Variants in IQANK1 observed in about 807,000 individuals in gnomAD.
IQANK1 encodes IQ motif and ankyrin repeat domain-containing protein 1.
In IQANK1, 30 loss-of-function variants were observed where a neutral mutation model predicts 22.6. That is an observed-to-expected ratio of 1.33 (90% CI 0.99 to 1.80). IQANK1 has a LOEUF of 1.80. Among genes scored for constraint, IQANK1 ranks in the 40% most tolerant of loss-of-function variants. The probability of loss-of-function intolerance (pLI) is 0.00; values close to 1 mark genes in which losing one functional copy is unlikely to be tolerated. For synonymous variants in IQANK1, 122 were observed against 99.6 expected (o/e 1.23, Z -1.34); for missense variants, 275 against 235.2 (o/e 1.17, Z -1.11).
chr8:143,735,983 G>T lies in IQANK1; in HGVS notation c.85+45G>T. ...TCCAGAGCACTGTCACCCAGACACT[G>T]ACCTGTGAGACCTTCTATGTAGCCA... On this transcript the variant is annotated intron_variant, in intron 2 of 13. Transcript: ENST00000527139. The surrounding 1 kb of genome is among the most constrained non-coding windows in gnomAD (Gnocchi z 5.2). The T allele has an allele frequency of 2.9e-6, 2 of 701,746 alleles. No individual in the cohort carries two copies. The highest frequency in any genetic ancestry group is 3.0e-5 in the South Asian group (2 of 67,502). The allele number at this position is 701,746 out of a possible 1,614,324, so 43.5% of individuals were successfully genotyped here.
intron 3 of IQANK1, among the ~76,000 whole-genome samples, chr8:143,769,267 C>A (rs141567052): frequency 2.4e-3 from 364 of 152,066 alleles, no homozygotes; most frequent in African/African-American, 8.2e-3. Context: ...CCTACGTGGC[C>A]CAGGCTGGTC....
At chr8:143,736,091 A>C (rs1262958658) in intron 2 of IQANK1, among the ~76,000 whole-genome samples, 153 bp downstream of exon 2, 3 of 149,704 alleles carry the variant, frequency 2.0e-5, no homozygotes, top group Non-Finnish European at 4.4e-5. Flanking sequence ...GGTGTGATTG[A>C]CTGAGGGTTC....
rs548995558 is a variant in IQANK1 at position 143,790,563 on chromosome 8, G to C, written c.1638G>C (p.Gln546His). Residue 546 changes from glutamine (Q) to histidine (H), a missense_variant, in exon 14 of 14, where the codon CAG (glutamine) becomes CAC (histidine). Transcript: ENST00000527139. Reference protein sequence around the residue: ...KVQWPPAEQLQVLLPVRVQLP... With the variant: ...KVQWPPAEQLHVLLPVRVQLP... Reference sequence around the variant, plus strand: ...AGTGGCCGCCAGCTGAGCAGCTGCAGGTGCTGCTCCCAGTGCGCGTGCAGC... The same window carrying C: ...AGTGGCCGCCAGCTGAGCAGCTGCACGTGCTGCTCCCAGTGCGCGTGCAGC... 106 of 399,192 alleles carry C rather than the reference G, an allele frequency of 2.7e-4. No homozygotes were observed. The highest frequency in any genetic ancestry group is 1.3e-3 in the South Asian group (10 of 7,870). 24.7% of individuals were successfully genotyped at this position (399,192 alleles called of 1,614,324 possible).
chr8:143,744,891 C>T (rs1209585373), intron 3 of IQANK1: 1 of 152,262 alleles, frequency 6.6e-6, no homozygotes, highest in African/African-American at 2.4e-5. Flanking sequence ...TAGAGATGGA[C>T]TTGGGCCACA....
chr8:143,744,053 C>T (rs60392425), intron 3 of IQANK1: 3,545 of 274,010 alleles, frequency 0.013, 98 homozygotes, highest in African/African-American at 0.061. Flanking sequence ...AGGATGGTCT[C>T]GATCTCTTGA....
intron 7 of IQANK1, among the ~76,000 whole-genome samples, chr8:143,784,500 C>CA (rs1238933227): frequency 6.6e-6 from 1 of 152,190 alleles, no homozygotes; most frequent in African/African-American, 2.4e-5. Flanking sequence ...TACCCAGTCT[C>CA]AGGTAGTTCT....
chr8:143,787,177 GGGTC>G (rs10538558), intron 7 of IQANK1, among the ~76,000 whole-genome samples: 107,447 of 151,650 alleles, frequency 0.71, 39,883 homozygotes, highest in Non-Finnish European at 0.84. Flanking sequence ...AAAGCAAGCA[GGGTC>G]GGTCTAAATG....
chr8:143,767,873 A>T (rs2129897078), intron 3 of IQANK1, among the ~76,000 whole-genome samples: 3 of 121,164 alleles, frequency 2.5e-5, no homozygotes, highest in South Asian at 3.1e-4. Flanking sequence ...CGATGGAGCG[A>T]GACCTTTTTT....
chr8:143,783,463 CTTAT>C (rs1290934554), intron 7 of IQANK1, among the ~76,000 whole-genome samples: 1 of 152,068 alleles, frequency 6.6e-6, no homozygotes, highest in Non-Finnish European at 1.5e-5. Flanking sequence ...CTCTGTGGAC[CTTAT>C]TTATATATTC....
intron 3 of IQANK1, among the ~76,000 whole-genome samples, chr8:143,743,668 A>G (rs1232724290): frequency 3.9e-5 from 6 of 152,172 alleles, no homozygotes; most frequent in African/African-American, 1.2e-4. Flanking sequence ...GACATTTAAC[A>G]CCAGAACACG....
intron 3 of IQANK1, among the ~76,000 whole-genome samples, chr8:143,754,503 C>G (rs1819252794): frequency 6.6e-6 from 1 of 152,156 alleles, no homozygotes; most frequent in African/African-American, 2.4e-5. Context: ...CTGAGGGGCC[C>G]CCATGTAGCT....
intron 3 of IQANK1, among the ~76,000 whole-genome samples, chr8:143,740,676 G>A (rs1818885533): frequency 6.6e-6 from 1 of 152,196 alleles, no homozygotes; most frequent in African/African-American, 2.4e-5. Context: ...TGCTGGGCAT[G>A]GGCCATGCTG....
chr8:143,778,199 C>A (rs151263215), intron 7 of IQANK1, among the ~76,000 whole-genome samples: 146 of 146,370 alleles, frequency 1.0e-3, no homozygotes, highest in Non-Finnish European at 1.1e-3. Flanking sequence ...CGTCTCAAAA[C>A]AAAAAAAAAA....
chr8:143,787,955 C>T (rs769959879), intron 7 of IQANK1, among the ~76,000 whole-genome samples: 3 of 152,216 alleles, frequency 2.0e-5, no homozygotes, highest in Non-Finnish European at 2.9e-5. Context: ...CCTTCAGCCA[C>T]CTGCTCTTCT....
intron 3 of IQANK1, among the ~76,000 whole-genome samples, chr8:143,753,107 A>G (rs1367334234): frequency 3.4e-5 from 5 of 145,826 alleles, no homozygotes; most frequent in Admixed American, 7.2e-5. Context: ...GGGCTTAAGC[A>G]ATCCTCCCTC....
chr8:143,769,093 C>T (rs185323967), intron 3 of IQANK1, among the ~76,000 whole-genome samples: 1 of 152,206 alleles, frequency 6.6e-6, no homozygotes, highest in East Asian at 1.9e-4. Context: ...GACAGGGTCT[C>T]GCTCTGTTGT....
intron 7 of IQANK1, among the ~76,000 whole-genome samples, chr8:143,779,900 G>A (rs938860774): frequency 4.6e-5 from 7 of 152,120 alleles, no homozygotes; most frequent in South Asian, 2.1e-4. Context: ...TGCCTCATTC[G>A]TATGTCTGTT....
At chr8:143,772,863 G>T (rs1554629934) in intron 7 of IQANK1, among the ~76,000 whole-genome samples, 1 of 152,198 alleles carries the variant, frequency 6.6e-6, no homozygotes, top group East Asian at 1.9e-4. Context: ...GCGATTCCAG[G>T]GTTGGCAGAG....
At chr8:143,761,581 G>A (rs1239307124) in intron 3 of IQANK1, among the ~76,000 whole-genome samples, 1 of 152,112 alleles carries the variant, frequency 6.6e-6, no homozygotes, top group Non-Finnish European at 1.5e-5. Flanking sequence ...ACCAACCTGG[G>A]CAACATAGTA....
Sources: allele counts gnomAD v4.1 joint callset (sites outside exome capture counted in the v4.1 genomes callset), GRCh38; gene constraint gnomAD v4.1.1; non-coding constraint Gnocchi (gnomAD v3.1); transcripts MANE v1.5; gene names NCBI Gene and HGNC (gene_info 2026-07-23, HGNC 2026-07-21).